Variants in ARHGEF10 observed in about 807,000 individuals in gnomAD.
The protein encoded by ARHGEF10 is Rho guanine nucleotide exchange factor 10, also known as Rho guanine nucleotide exchange factor (GEF) 10.
ARHGEF10 carries 140 observed loss-of-function variants against 147.4 expected under a neutral mutation model. The ratio of observed to expected loss-of-function variants is 0.95; its 90% confidence interval spans 0.83 to 1.09. The LOEUF (loss-of-function observed/expected upper bound fraction) is 1.09, where lower values mean the gene tolerates loss of function less well. Among genes scored for constraint, ARHGEF10 ranks in the 50% least tolerant of loss-of-function variants. The pLI, the probability that ARHGEF10 is intolerant of heterozygous loss-of-function variation, is 0.00. For missense variants in ARHGEF10, 2,222 were observed against 1,752.7 expected, an observed-to-expected ratio of 1.27 and a Z score of -4.78; for synonymous variants, 902 against 695.8, an observed-to-expected ratio of 1.30 and a Z score of -4.67.
Position 1,843,346 on chromosome 8 carries a change from C to T in ARHGEF10, c.-47-7C>T. ...ACGGTGACAAGCAGTGTCTCTCCTT[C>T]TTGCAGGAGCTCCTTCCCTTAACAG... On this transcript the variant is annotated splice_region_variant and splice_polypyrimidine_tract_variant and intron_variant, in intron 1 of 28. Transcript: ENST00000349830. 2 of 1,610,420 alleles carry T rather than the reference C, an allele frequency of 1.2e-6. No homozygotes were observed. The highest frequency in any genetic ancestry group is 1.1e-5 in the South Asian group (1 of 90,846).
chr8:1,869,330 G>A, intron 7 of ARHGEF10, 80 bp downstream of exon 7: 1 of 1,224,482 alleles, frequency 8.2e-7, no homozygotes, highest in Non-Finnish European at 1.2e-6. Flanking sequence ...ACTATTTAGT[G>A]GACGGCCCAG....
chr8:1,846,691 C>T (rs568736310), intron 2 of ARHGEF10, among the ~76,000 whole-genome samples: 1 of 152,300 alleles, frequency 6.6e-6, no homozygotes, highest in South Asian at 2.1e-4. Flanking sequence ...ATTCTCCTGC[C>T]TCAGTCTCCT....
chr8:1,827,246 T>C (rs1428346296), intron 1 of ARHGEF10, among the ~76,000 whole-genome samples: 1 of 152,236 alleles, frequency 6.6e-6, no homozygotes, highest in African/African-American at 2.4e-5. Flanking sequence ...AGTTGTCAGG[T>C]TTGGACATTG....
chr8:1,953,191 TGTATTTTATGTTGTGAAGAAGGAA>T (rs1815198374), intron 28 of ARHGEF10, among the ~76,000 whole-genome samples: 1 of 145,488 alleles, frequency 6.9e-6, no homozygotes, highest in Admixed American at 6.7e-5. Context: ...CATTCCTTTC[TGTATTTTATGTTGTGAAGAAGGAA>T]GCCGGGATCT....
intron 7 of ARHGEF10, among the ~76,000 whole-genome samples, chr8:1,873,870 T>C (rs1807402871): frequency 6.6e-6 from 1 of 152,072 alleles, no homozygotes; most frequent in Non-Finnish European, 1.5e-5. Context: ...TTTTCTTTTT[T>C]TTTTATTGTG....
At chr8:1,836,175 T>C (rs1803567409) in intron 1 of ARHGEF10, among the ~76,000 whole-genome samples, 1 of 120,808 alleles carries the variant, frequency 8.3e-6, no homozygotes, top group Non-Finnish European at 1.8e-5. Context: ...AGCAAGACTC[T>C]GCCATGGAAA....
chr8:1,878,284 G>T (rs755862638), intron 8 of ARHGEF10, among the ~76,000 whole-genome samples: 40 of 152,118 alleles, frequency 2.6e-4, no homozygotes, highest in Non-Finnish European at 5.0e-4. Flanking sequence ...CCACTTCCCA[G>T]ATTCAAGTAA....
chr8:1,930,799 G>T (rs1402804316), intron 25 of ARHGEF10, among the ~76,000 whole-genome samples: 1 of 152,158 alleles, frequency 6.6e-6, no homozygotes, highest in East Asian at 1.9e-4. Flanking sequence ...GCGCACCTGC[G>T]CCAAGAAGGC....
intron 7 of ARHGEF10, 140 bp from the exon 8 acceptor site, chr8:1,876,431 G>A (rs534261532): frequency 5.5e-6 from 5 of 908,318 alleles, no homozygotes; most frequent in East Asian, 2.5e-5. Flanking sequence ...AGCAAGCCCG[G>A]GGCTCCGCAG....
intron 1 of ARHGEF10, among the ~76,000 whole-genome samples, chr8:1,833,043 G>C (rs1409850416): frequency 4.3e-5 from 5 of 116,422 alleles, no homozygotes; most frequent in Non-Finnish European, 7.4e-5. Context: ...GAGAGAGACA[G>C]AGACAGAGGC....
intron 1 of ARHGEF10, among the ~76,000 whole-genome samples, chr8:1,835,402 T>A (rs1803520143): frequency 6.6e-6 from 1 of 151,974 alleles, no homozygotes; most frequent in Non-Finnish European, 1.5e-5. Context: ...CCTGTGTGGC[T>A]GGGAAGTGCT....
chr8:1,877,507 T>C (rs1208329202), intron 8 of ARHGEF10, among the ~76,000 whole-genome samples: 1 of 152,180 alleles, frequency 6.6e-6, no homozygotes, highest in African/African-American at 2.4e-5. Flanking sequence ...GGATTGCAGG[T>C]GTGAACCACC....
chr8:1,888,318 G>T lies in ARHGEF10; in HGVS notation c.1182+2611G>T, dbSNP rs1808957140. Reference sequence around the variant, plus strand: ...GGGTGAGGGTTTGTGAGGATATGCTGAGTGGGATGTTGACTGTGAGGAGAC... The same window carrying T: ...GGGTGAGGGTTTGTGAGGATATGCTTAGTGGGATGTTGACTGTGAGGAGAC... On this transcript the variant is annotated intron_variant, in intron 11 of 28. Coordinates refer to ENST00000349830, the MANE Select transcript of ARHGEF10 (RefSeq NM_014629.4). 2.5e-4 allele frequency among the ~76,000 whole-genome samples: 16 copies of T among 65,234 alleles called. 3 individuals carry two copies. The highest frequency in any genetic ancestry group is 8.3e-4 in the African/African-American group (14 of 16,950). 42.8% of individuals were successfully genotyped at this position (65,234 alleles called of 152,430 possible).
At chr8:1,879,340 T>A (rs1487931409) in intron 8 of ARHGEF10, among the ~76,000 whole-genome samples, 3 of 152,180 alleles carry the variant, frequency 2.0e-5, no homozygotes, top group Non-Finnish European at 4.4e-5. Flanking sequence ...ATAGTTTAAA[T>A]ACAAGTATCT....
Position 1,877,335 on chromosome 8 carries a change from C to G in ARHGEF10, c.843+601C>G, listed in dbSNP as rs113388175. Reference sequence around the variant, plus strand: ...CTCTGCCTCCCAGGTTTAAGCCATTCTCTTGCCTCAGCCTCCCAAGTAGCT... The same window carrying G: ...CTCTGCCTCCCAGGTTTAAGCCATTGTCTTGCCTCAGCCTCCCAAGTAGCT... On this transcript the variant is annotated intron_variant, in intron 8 of 28. Transcript: ENST00000349830. Among the ~76,000 whole-genome samples, 835 of 152,276 alleles carry G rather than the reference C, an allele frequency of 5.5e-3. 7 individuals carry two copies. The highest frequency in any genetic ancestry group is 0.019 in the African/African-American group (777 of 41,554).
intron 26 of ARHGEF10, among the ~76,000 whole-genome samples, chr8:1,943,217 C>G (rs550161515): frequency 3.4e-4 from 52 of 152,314 alleles, no homozygotes; most frequent in African/African-American, 1.1e-3. Context: ...GCTTTTCTTC[C>G]TTTTCTTTTT....
Position 1,909,484 on chromosome 8 carries a change from T to C in ARHGEF10, c.2143+14T>C, listed in dbSNP as rs757260313. ...ACGCGAAACCAAGTAAGTGATGCTT[T>C]CTCTCACGTTCGTGCCGTGGGGCCA... On this transcript the variant is annotated intron_variant, in intron 18 of 28. Coordinates refer to ENST00000349830, the MANE Select transcript of ARHGEF10 (RefSeq NM_014629.4). 5 of 1,613,476 alleles carry C rather than the reference T, an allele frequency of 3.1e-6. No individual in the cohort carries two copies. In the South Asian group the frequency reaches 5.5e-5, roughly 18 times the overall value.
intron 1 of ARHGEF10, among the ~76,000 whole-genome samples, chr8:1,833,047 CAGA>C (rs1163929393): frequency 6.8e-5 from 1 of 14,630 alleles, no homozygotes. Flanking sequence ...GAGACAGAGA[CAGA>C]GGCAGAGAGA....
intron 8 of ARHGEF10, among the ~76,000 whole-genome samples, chr8:1,879,330 A>T (rs1468233762): frequency 2.6e-5 from 4 of 152,202 alleles, no homozygotes; most frequent in Non-Finnish European, 5.9e-5. Flanking sequence ...CACTTTCAGT[A>T]TAGTTTAAAT....
Sources: allele counts gnomAD v4.1 joint callset (sites outside exome capture counted in the v4.1 genomes callset), GRCh38; gene constraint gnomAD v4.1.1; transcripts MANE v1.5; gene names NCBI Gene and HGNC (gene_info 2026-07-23, HGNC 2026-07-21).